ATE1: variants seen among roughly 807,000 people sequenced by gnomAD.
ATE1 encodes arginyltransferase 1.
A neutral mutation model predicts 70.5 loss-of-function variants in ATE1; 36 were observed. The observed-to-expected ratio is 0.51, with a 90% CI of 0.39 to 0.67. ATE1 has a LOEUF of 0.67. Ranked by LOEUF, ATE1 falls within the 30% of genes least tolerant of loss-of-function variation. ATE1 has a pLI of 0.00. For missense variants in ATE1, 593 were observed against 629.5 expected, an observed-to-expected ratio of 0.94 and a Z score of 0.62; for synonymous variants, 232 against 219.3, an observed-to-expected ratio of 1.06 and a Z score of -0.51.
intron 10 of ATE1, among the ~76,000 whole-genome samples, chr10:121,827,676 T>C (rs559562104): frequency 6.6e-6 from 1 of 152,362 alleles, no homozygotes; most frequent in African/African-American, 2.4e-5. Context: ...TTGAAGACAA[T>C]TTCCTTTCAT....
At chr10:121,835,922 C>T (rs1948416114) in intron 10 of ATE1, among the ~76,000 whole-genome samples, 1 of 152,088 alleles carries the variant, frequency 6.6e-6, no homozygotes, top group Admixed American at 6.6e-5. Flanking sequence ...AGTCATATTT[C>T]TATGTGTGGA....
intron 11 of ATE1, among the ~76,000 whole-genome samples, chr10:121,758,185 A>C (rs933640764): frequency 5.3e-5 from 8 of 152,196 alleles, no homozygotes; most frequent in African/African-American, 1.9e-4. Context: ...TCATCTTAGG[A>C]TCTATTATGT....
At chr10:121,785,482 A>G (rs1946166874) in intron 11 of ATE1, among the ~76,000 whole-genome samples, 1 of 152,192 alleles carries the variant, frequency 6.6e-6, no homozygotes, top group Non-Finnish European at 1.5e-5. Flanking sequence ...TTCTTCCACA[A>G]ACAATCAAGG....
intron 7 of ATE1, among the ~76,000 whole-genome samples, chr10:121,875,285 G>C (rs939116541): frequency 1.4e-5 from 2 of 146,102 alleles, no homozygotes; most frequent in Admixed American, 1.4e-4. Flanking sequence ...TGGGCCTTGA[G>C]GGTTTTTTTT....
At chr10:121,919,891 C>T (rs1316553812) in intron 3 of ATE1, among the ~76,000 whole-genome samples, 1 of 152,066 alleles carries the variant, frequency 6.6e-6, no homozygotes, top group African/African-American at 2.4e-5. Flanking sequence ...CAGCAAGACT[C>T]AGTCTCGGTG....
At chr10:121,777,182 G>A (rs899724348) in intron 11 of ATE1, among the ~76,000 whole-genome samples, 2 of 152,164 alleles carry the variant, frequency 1.3e-5, no homozygotes, top group African/African-American at 4.8e-5. Context: ...ATGACTGGCG[G>A]GACTAGAAAA....
chr10:121,904,568 T>C (rs1322487238), intron 5 of ATE1, among the ~76,000 whole-genome samples: 1 of 140,372 alleles, frequency 7.1e-6, no homozygotes, highest in East Asian at 2.2e-4. Flanking sequence ...TTGAACCCAG[T>C]AGGTGGAGGT....
Position 121,895,173 on chromosome 10 carries a change from C to T in ATE1, c.942+4693G>A, listed in dbSNP as rs534794131. 2.6e-5 allele frequency among the ~76,000 whole-genome samples: 4 copies of T among 152,336 alleles called. No individual in the cohort carries two copies. The South Asian group carries it at 8.3e-4, about 32-fold the overall frequency. ...TTCACTCTCTGAAAAACAAGTCTGG[C>T]AGATCCTCAAAAGGAAAACACATGA... On this transcript the variant is annotated intron_variant, in intron 7 of 11. Coordinates refer to ENST00000224652, the MANE Select transcript of ATE1 (RefSeq NM_001001976.3).
intron 10 of ATE1, among the ~76,000 whole-genome samples, chr10:121,800,740 A>C (rs971123155): frequency 4.6e-5 from 7 of 152,234 alleles, no homozygotes; most frequent in Admixed American, 6.5e-5. Context: ...AATTTTCTAC[A>C]ATAAATCTAT....
chr10:121,787,369 T>C (rs942795586), intron 11 of ATE1, among the ~76,000 whole-genome samples: 1 of 152,218 alleles, frequency 6.6e-6, no homozygotes, highest in Non-Finnish European at 1.5e-5. Context: ...TTCTCACAGA[T>C]TGCCATTTAA....
At chr10:121,890,096 C>T (rs1217437286) in intron 7 of ATE1, among the ~76,000 whole-genome samples, 1 of 152,070 alleles carries the variant, frequency 6.6e-6, no homozygotes. Flanking sequence ...ATTCTTTCAA[C>T]TTTTCTGTTC....
At chr10:121,925,945 C>A (rs928573161) in intron 1 of ATE1, among the ~76,000 whole-genome samples, 1 of 151,856 alleles carries the variant, frequency 6.6e-6, no homozygotes, top group African/African-American at 2.4e-5. Context: ...GTGGCTCATG[C>A]CTATAATCCC....
chr10:121,823,565 A>G (rs1947887592), intron 10 of ATE1, among the ~76,000 whole-genome samples: 1 of 152,248 alleles, frequency 6.6e-6, no homozygotes, highest in South Asian at 2.1e-4. Context: ...GATAGTGCCC[A>G]GCAGCCAGAG....
At chr10:121,861,864 T>G (rs1369764559) in intron 8 of ATE1, among the ~76,000 whole-genome samples, 3 of 152,106 alleles carry the variant, frequency 2.0e-5, no homozygotes, top group African/African-American at 7.2e-5. Context: ...ACAACAACAA[T>G]GTACTCCTAT....
At chr10:121,860,135 A>G (rs565727106) in intron 8 of ATE1, among the ~76,000 whole-genome samples, 1 of 152,288 alleles carries the variant, frequency 6.6e-6, no homozygotes, top group South Asian at 2.1e-4. Flanking sequence ...AAACGCTATA[A>G]TACGTGTTGA....
At chr10:121,855,839 C>A (rs1018372310) in intron 8 of ATE1, among the ~76,000 whole-genome samples, 2 of 152,052 alleles carry the variant, frequency 1.3e-5, no homozygotes, top group African/African-American at 4.8e-5. Flanking sequence ...CTTTGAGAGG[C>A]TGAGGTAGGA....
intron 8 of ATE1, among the ~76,000 whole-genome samples, chr10:121,859,879 T>A (rs1053006956): frequency 3.3e-5 from 5 of 151,996 alleles, no homozygotes; most frequent in African/African-American, 1.2e-4. Context: ...GAGGCGGAGG[T>A]TGCAGCGAGC....
intron 11 of ATE1, among the ~76,000 whole-genome samples, chr10:121,751,148 C>T (rs576102798): frequency 2.0e-5 from 3 of 152,294 alleles, no homozygotes; most frequent in South Asian, 2.1e-4. Context: ...GAGAGAATTA[C>T]GCATGTTCAT....
At chr10:121,859,032 A>G (rs1949365789) in intron 8 of ATE1, among the ~76,000 whole-genome samples, 1 of 151,796 alleles carries the variant, frequency 6.6e-6, no homozygotes, top group Non-Finnish European at 1.5e-5. Flanking sequence ...GAGGTGGAGG[A>G]TGCTGTGAGC....
Sources: gnomAD v4.1 joint callset for allele counts (sites outside exome capture counted in the v4.1 genomes callset) on GRCh38, gnomAD v4.1.1 for gene constraint, MANE v1.5 for transcripts, NCBI Gene and HGNC (gene_info 2026-07-23, HGNC 2026-07-21) for gene names.